Variants in PLCXD3 observed in about 807,000 individuals in gnomAD.
PLCXD3 encodes PI-PLC X domain-containing protein 3.
In PLCXD3, 19 loss-of-function variants were observed where a neutral mutation model predicts 25.5. The ratio of observed to expected loss-of-function variants is 0.75; its 90% CI spans 0.52 to 1.09. PLCXD3 has a LOEUF of 1.09. PLCXD3 is among the 50% of genes least tolerant of loss of function. The pLI is 0.00. For missense variants in PLCXD3, 411 were observed against 388.1 expected, an observed-to-expected ratio of 1.06 and a Z score of -0.50; for synonymous variants, 174 against 137.6, an observed-to-expected ratio of 1.26 and a Z score of -1.85.
chr5:41,400,575 A>G (rs1014635146), intron 1 of PLCXD3, among the ~76,000 whole-genome samples: 1 of 152,096 alleles, frequency 6.6e-6, no homozygotes, highest in Non-Finnish European at 1.5e-5. Context: ...GTTGCATGAA[A>G]TAAGCTGGGC....
intron 1 of PLCXD3, among the ~76,000 whole-genome samples, chr5:41,386,185 T>G (rs1233672221): frequency 1.3e-5 from 2 of 152,106 alleles, no homozygotes; most frequent in Non-Finnish European, 2.9e-5. Flanking sequence ...TTAACTATGG[T>G]TATGTTATAT....
chr5:41,455,880 G>C (rs954982380), intron 1 of PLCXD3, among the ~76,000 whole-genome samples: 6 of 151,888 alleles, frequency 4.0e-5, no homozygotes, highest in Admixed American at 2.0e-4. Flanking sequence ...GATAATGCAG[G>C]TCTTGAGAGA....
At chr5:41,414,390 C>T (rs530443290) in intron 1 of PLCXD3, among the ~76,000 whole-genome samples, 3 of 152,116 alleles carry the variant, frequency 2.0e-5, no homozygotes, top group Admixed American at 2.0e-4. Context: ...TTAGTAGAGA[C>T]AGGGTTTCTC....
At chr5:41,334,225 T>C (rs759266282) in intron 2 of PLCXD3, among the ~76,000 whole-genome samples, 3 of 152,062 alleles carry the variant, frequency 2.0e-5, no homozygotes, top group African/African-American at 2.4e-5. Flanking sequence ...AGTCTCAATT[T>C]TCTCCATTTG....
At chr5:41,351,968 A>C (rs560428167) in intron 2 of PLCXD3, among the ~76,000 whole-genome samples, 1 of 152,320 alleles carries the variant, frequency 6.6e-6, no homozygotes, top group South Asian at 2.1e-4. Context: ...ATGTTCTGGC[A>C]AGGTGAATAT....
intron 1 of PLCXD3, among the ~76,000 whole-genome samples, chr5:41,445,890 A>T (rs938663768): frequency 6.6e-6 from 1 of 152,050 alleles, no homozygotes; most frequent in Non-Finnish European, 1.5e-5. Context: ...TATTTAAATT[A>T]AAAAAAGAAC....
intron 2 of PLCXD3, among the ~76,000 whole-genome samples, chr5:41,335,468 G>T (rs1255818007): frequency 6.6e-6 from 1 of 152,106 alleles, no homozygotes; most frequent in Non-Finnish European, 1.5e-5. Flanking sequence ...TGGCAGGATC[G>T]TTTTATTAAT....
chr5:41,322,719 G>A (rs1743511133), intron 2 of PLCXD3, among the ~76,000 whole-genome samples: 1 of 152,216 alleles, frequency 6.6e-6, no homozygotes, highest in Non-Finnish European at 1.5e-5. Flanking sequence ...GCCCACGCCT[G>A]TAATTCTAGC....
At chr5:41,324,346 A>C (rs1743560192) in intron 2 of PLCXD3, among the ~76,000 whole-genome samples, 1 of 152,194 alleles carries the variant, frequency 6.6e-6, no homozygotes, top group African/African-American at 2.4e-5. Context: ...CGTTCAGACA[A>C]CACTGGGTCA....
chr5:41,320,120 C>T lies in PLCXD3; in HGVS notation c.813-6350G>A, dbSNP rs320605. 2.7e-3 allele frequency among the ~76,000 whole-genome samples: 409 copies of T among 152,108 alleles called. 4 individuals carry two copies. Among genetic ancestry groups the T allele is most frequent in the South Asian group, 4.4e-3 (21 of 4,800 alleles). The stretch of plus-strand genomic sequence containing the variant: ...TGAGATCAAAGCCATAATAAAAAGT[C>T]TCCCAGTAAAGAAAACCCCGAGACC... On this transcript the variant is annotated intron_variant, in intron 2 of 2. Coordinates refer to ENST00000377801, the MANE Select transcript of PLCXD3 (RefSeq NM_001005473.3).
At chr5:41,466,645 C>T (rs184560697) in intron 1 of PLCXD3, among the ~76,000 whole-genome samples, 273 of 152,078 alleles carry the variant, frequency 1.8e-3, no homozygotes, top group African/African-American at 6.4e-3. Context: ...ATCTATTTTT[C>T]TTGTCTATCT....
intron 1 of PLCXD3, among the ~76,000 whole-genome samples, chr5:41,410,040 T>C (rs1187113606): frequency 6.6e-6 from 1 of 152,200 alleles, no homozygotes; most frequent in Non-Finnish European, 1.5e-5. Context: ...ACAACATGGT[T>C]GTCATAAGCT....
chr5:41,485,386 C>T (rs1748496771), intron 1 of PLCXD3, among the ~76,000 whole-genome samples: 1 of 152,148 alleles, frequency 6.6e-6, no homozygotes, highest in African/African-American at 2.4e-5. Context: ...AAGTTTCTTT[C>T]CTTACTTTCA....
At chr5:41,330,634 C>A (rs1580304067) in intron 2 of PLCXD3, among the ~76,000 whole-genome samples, 1 of 152,230 alleles carries the variant, frequency 6.6e-6, no homozygotes, top group African/African-American at 2.4e-5. Context: ...TGGGCCGAAA[C>A]ACAACCAAAA....
intron 1 of PLCXD3, among the ~76,000 whole-genome samples, chr5:41,477,865 T>C (rs552511316): frequency 1.6e-4 from 25 of 152,310 alleles, no homozygotes; most frequent in African/African-American, 6.0e-4. Flanking sequence ...GCAGCCTCTC[T>C]TTCCTCCCTC....
At chr5:41,419,949 G>T (rs1746780993) in intron 1 of PLCXD3, among the ~76,000 whole-genome samples, 1 of 152,134 alleles carries the variant, frequency 6.6e-6, no homozygotes, top group Admixed American at 6.5e-5. Flanking sequence ...AGCACCTTTA[G>T]TAGCTAAATA....
chr5:41,363,290 T>G (rs1304234967), intron 2 of PLCXD3, among the ~76,000 whole-genome samples: 2 of 152,196 alleles, frequency 1.3e-5, no homozygotes, highest in African/African-American at 4.8e-5. Context: ...TATGTCCTAA[T>G]CATTTTAAAG....
At chr5:41,424,241 C>A (rs1746896040) in intron 1 of PLCXD3, among the ~76,000 whole-genome samples, 1 of 151,964 alleles carries the variant, frequency 6.6e-6, no homozygotes, top group Admixed American at 6.6e-5. Context: ...CTAATATATA[C>A]ATAAAAGGTT....
chr5:41,321,242 A>G (rs1218311986), intron 2 of PLCXD3, among the ~76,000 whole-genome samples: 1 of 152,232 alleles, frequency 6.6e-6, no homozygotes, highest in Non-Finnish European at 1.5e-5. Flanking sequence ...AATTCAATAA[A>G]TTTGCAGTAT....
Sources: allele counts gnomAD v4.1 joint callset (sites outside exome capture counted in the v4.1 genomes callset), GRCh38; gene constraint gnomAD v4.1.1; transcripts MANE v1.5; gene names NCBI Gene and HGNC (gene_info 2026-07-23, HGNC 2026-07-21).